EARS2: variants seen among roughly 807,000 people sequenced by gnomAD.
EARS2 encodes nondiscriminating glutamyl-tRNA synthetase EARS2, mitochondrial.
In EARS2, 50 loss-of-function variants were observed where a neutral mutation model predicts 54.1. The observed-to-expected ratio is 0.92, with a 90% confidence interval of 0.74 to 1.17. The LOEUF (loss-of-function observed/expected upper bound fraction) is 1.17. Among genes scored for constraint, EARS2 ranks in the 50% most tolerant of loss-of-function variants. EARS2 has a pLI of 0.00. For synonymous variants in EARS2, 298 were observed against 281.0 expected (o/e 1.06, Z -0.61); for missense variants, 673 against 675.0 (o/e 1.00, Z 0.03).
chr16:23,546,614 G>A (rs564452342), intron 2 of EARS2, among the ~76,000 whole-genome samples: 188 of 152,266 alleles, frequency 1.2e-3, no homozygotes, highest in African/African-American at 4.4e-3. Context: ...GGAGTGCAGT[G>A]GCACGTTCTC....
At chr16:23,547,458 T>C (rs1364838329) in intron 2 of EARS2, among the ~76,000 whole-genome samples, 1 of 152,182 alleles carries the variant, frequency 6.6e-6, no homozygotes, top group Non-Finnish European at 1.5e-5. Context: ...TGAAAACCAC[T>C]GAATTGTACA....
In EARS2 at chr16:23,542,316, C is replaced by T. The variant is rs145147323; in HGVS notation, c.485+2198G>A. 1.1e-3 allele frequency among the ~76,000 whole-genome samples: 104 copies of T among 93,674 alleles called. 1 individual carries two copies. Among genetic ancestry groups the T allele is most frequent in the Admixed American group, 1.9e-3 (12 of 6,270 alleles). 61.5% of individuals were successfully genotyped at this position (93,674 alleles called of 152,430 possible). ...GGCCCTTTGTGGACCTTTCATTTTTCTTTTTTTTTTTTTTTTTTTTTGAGA... is the reference window on the plus strand; with the variant it reads ...GGCCCTTTGTGGACCTTTCATTTTTTTTTTTTTTTTTTTTTTTTTTTGAGA... On this transcript the variant is annotated intron_variant, in intron 3 of 8. Coordinates refer to ENST00000449606, the MANE Select transcript of EARS2 (RefSeq NM_001083614.2).
At chr16:23,545,687 T>C (rs1034060223) in intron 2 of EARS2, among the ~76,000 whole-genome samples, 2 of 152,172 alleles carry the variant, frequency 1.3e-5, no homozygotes, top group Admixed American at 1.3e-4. Context: ...TTCTAAGAGA[T>C]GGGGTCTCAC....
In EARS2 at chr16:23,529,763, C is replaced by G. The variant is rs761724689; in HGVS notation, c.1202G>C (p.Arg401Thr). 1 of 1,614,052 alleles carries G rather than the reference C, an allele frequency of 6.2e-7. No homozygotes were observed. Reference protein sequence around the residue: ...RDVLNPVYVERILLLRQGHIC... With the variant: ...RDVLNPVYVETILLLRQGHIC... ...CCACACCTGTCTCAGCAGGAGGATC[C>G]TCTCCACGTAGACTGGGTTGAGGAC... Residue 401 changes from arginine to threonine, a missense_variant, in exon 6 of 9, where the codon AGG becomes ACG. By Grantham distance (71) the Arg-to-Thr change is moderately conservative. Coordinates refer to ENST00000449606, the MANE Select transcript of EARS2 (RefSeq NM_001083614.2).
At chr16:23,540,104 A>C (rs1567384859) in intron 3 of EARS2, among the ~76,000 whole-genome samples, 1 of 152,176 alleles carries the variant, frequency 6.6e-6, no homozygotes, top group African/African-American at 2.4e-5. Context: ...CCTTGAGCCA[A>C]TATCACACCA....
At chr16:23,552,931 T>A (rs1310535152) in intron 1 of EARS2, 1 of 210,594 alleles carries the variant, frequency 4.7e-6, no homozygotes, top group Non-Finnish European at 1.0e-5. Flanking sequence ...TGGCCTGAGT[T>A]TGAGATCTGC....
rs370199865 is a variant in EARS2, at chr16:23,557,135, T to G, written c.139+70A>C. 47 of 1,487,100 alleles carry G rather than the reference T, an allele frequency of 3.2e-5. No individual in the cohort carries two copies. In the East Asian group the frequency reaches 8.3e-4, roughly 26 times the overall value. 92.1% of individuals were successfully genotyped at this position (1,487,100 alleles called of 1,614,324 possible). On this transcript the variant is annotated intron_variant, in intron 1 of 8. Transcript: ENST00000449606. ...TCTGACACCACCGGAAAGGATTCAT[T>G]CGGGAACATTCGTGGGGCGGAGACG...
chr16:23,549,557 A>G (rs1965659695), intron 2 of EARS2, among the ~76,000 whole-genome samples: 1 of 152,202 alleles, frequency 6.6e-6, no homozygotes, highest in Admixed American at 6.5e-5. Context: ...CAACTTCCCC[A>G]GGCTCAGGTG....
chr16:23,544,137 T>C (rs1252839807), intron 3 of EARS2, among the ~76,000 whole-genome samples: 3 of 152,178 alleles, frequency 2.0e-5, no homozygotes, highest in Non-Finnish European at 4.4e-5. Flanking sequence ...ACGTGCTCAC[T>C]CTCTCCTTGG....
At chr16:23,526,013 A>T (rs192707456) in intron 7 of EARS2, among the ~76,000 whole-genome samples, 9 of 151,320 alleles carry the variant, frequency 5.9e-5, no homozygotes, top group South Asian at 2.1e-4. Context: ...AAAAAAAAAA[A>T]AATAATAGTA....
intron 1 of EARS2, among the ~76,000 whole-genome samples, chr16:23,553,545 C>A (rs1965729852): frequency 6.6e-6 from 1 of 151,812 alleles, no homozygotes; most frequent in Admixed American, 6.6e-5. Context: ...TCACCTGGGT[C>A]TCTAAATTTG....
Position 23,529,610 on chromosome 16 carries a change from T to A in EARS2, c.1244A>T (p.Asp415Val), listed in dbSNP as rs1455651044. 2 of 1,613,980 alleles carry A rather than the reference T, an allele frequency of 1.2e-6. No homozygotes were observed. Among genetic ancestry groups the A allele is most frequent in the South Asian group, 1.1e-5 (1 of 91,062 alleles). The stretch of plus-strand genomic sequence containing the variant: ...GTAAGAGTATACTGGGGACACCAAG[T>A]CCTGCAGGCGGCAAATGTGACCCTG... ...LRQGHICRLQDLVSPVYSYLW... is the reference protein window; with the variant it reads ...LRQGHICRLQVLVSPVYSYLW... Residue 415 changes from aspartate to valine, a missense_variant, in exon 7 of 9, where the codon GAC (aspartate) becomes GTC (valine). Coordinates refer to ENST00000449606, the MANE Select transcript of EARS2 (RefSeq NM_001083614.2).
chr16:23,532,900 A>G, intron 4 of EARS2, 135 bp from the exon 5 acceptor site: 1 of 553,068 alleles, frequency 1.8e-6, no homozygotes, highest in Non-Finnish European at 3.2e-6. Context: ...AGCTCACTGT[A>G]ACCTCAAACT....
chr16:23,551,251 G>C (rs1291902313), intron 2 of EARS2, among the ~76,000 whole-genome samples: 1 of 152,196 alleles, frequency 6.6e-6, no homozygotes, highest in Non-Finnish European at 1.5e-5. Context: ...AGCTCCTCCA[G>C]TTCCCACTTG....
rs867965708 is a variant in EARS2 at position 23,520,876 on chromosome 16, G to A, written c.*3495C>T. On this transcript the variant is annotated 3_prime_UTR_variant, in exon 9 of 9. Coordinates refer to ENST00000449606, the MANE Select transcript of EARS2 (RefSeq NM_001083614.2). Reference sequence around the variant, plus strand: ...TGATCTTGGCTCACTGCAACCTCCCGTTCTGTGGGGGTTCAAGTAATTCCT... The same window carrying A: ...TGATCTTGGCTCACTGCAACCTCCCATTCTGTGGGGGTTCAAGTAATTCCT... Among the ~76,000 whole-genome samples, 6 of 152,026 alleles carry A rather than the reference G, an allele frequency of 3.9e-5. No individual in the cohort carries two copies. The highest frequency in any genetic ancestry group is 1.9e-4 in the East Asian group (1 of 5,178).
intron 3 of EARS2, among the ~76,000 whole-genome samples, chr16:23,538,973 CTTTTT>C (rs34153998): frequency 6.0e-5 from 5 of 83,830 alleles, no homozygotes; most frequent in Admixed American, 1.5e-4. Flanking sequence ...GGCCCCCCTC[CTTTTT>C]TTTTTTTTTT....
intron 5 of EARS2, among the ~76,000 whole-genome samples, chr16:23,531,726 A>G (rs1052490187): frequency 1.3e-5 from 2 of 152,258 alleles, no homozygotes; most frequent in Admixed American, 1.3e-4. Context: ...AAGTAAATGC[A>G]CTGATACTGT....
chr16:23,535,665 C>T (rs1397910938), intron 3 of EARS2, among the ~76,000 whole-genome samples: 8 of 152,168 alleles, frequency 5.3e-5, no homozygotes, highest in Non-Finnish European at 8.8e-5. Flanking sequence ...CCTATTGCTC[C>T]ATGCCAGTGA....
At chr16:23,547,907 G>A (rs1965630422) in intron 2 of EARS2, among the ~76,000 whole-genome samples, 1 of 151,658 alleles carries the variant, frequency 6.6e-6, no homozygotes, top group South Asian at 2.1e-4. Flanking sequence ...AACCAGCCTG[G>A]GCAACATGGT....
Sources: gnomAD v4.1 joint callset for allele counts (sites outside exome capture counted in the v4.1 genomes callset) on GRCh38, gnomAD v4.1.1 for gene constraint, MANE v1.5 for transcripts, NCBI Gene and HGNC (gene_info 2026-07-23, HGNC 2026-07-21) for gene names.